The following PABPC1 variants were observed in gnomAD, a reference collection of about 807,000 sequenced individuals.
PABPC1 encodes polyadenylate-binding protein 1.
A neutral mutation model predicts 74.0 loss-of-function variants in PABPC1; 4 were observed. That is an observed-to-expected ratio of 0.05 (90% CI 0.03 to 0.12). PABPC1 has a LOEUF of 0.12. Ranked by LOEUF, PABPC1 falls within the 10% of genes least tolerant of loss-of-function variation. PABPC1 has a pLI of 1.00. For synonymous variants in PABPC1, 227 were observed against 264.1 expected (o/e 0.86, Z 1.36); for missense variants, 271 against 821.1 (o/e 0.33, Z 8.19).
intron 4 of PABPC1, among the ~76,000 whole-genome samples, chr8:100,715,158 C>CACACACAT (rs1234644734): frequency 1.9e-3 from 142 of 76,212 alleles, no homozygotes; most frequent in African/African-American, 5.8e-3. Flanking sequence ...CACACACACA[C>CACACACAT]ATATATATCT....
intron 3 of PABPC1, among the ~76,000 whole-genome samples, chr8:100,717,352 A>G (rs527277168): frequency 6.6e-6 from 1 of 152,318 alleles, no homozygotes; most frequent in South Asian, 2.1e-4. Context: ...CATAAAAGCA[A>G]ATTACTTTGA....
At chr8:100,714,302 C>A (rs1043496519) in intron 4 of PABPC1, among the ~76,000 whole-genome samples, 5 of 152,128 alleles carry the variant, frequency 3.3e-5, no homozygotes, top group Non-Finnish European at 2.9e-5. Context: ...ATATAAAAGG[C>A]AGTAGCTAAA....
Position 100,712,505 on chromosome 8 carries a change from C to CCTAA in PABPC1, c.877-52_877-49dup, listed in dbSNP as rs776475207. On this transcript the variant is annotated intron_variant, in intron 6 of 14. Transcript: ENST00000318607. Reference sequence around the variant, plus strand: ...ATAGAAAAAGAAAACCATGGTGGTACCTAAGTACATCGGGTCTATTATTTT... The same window carrying CCTAA: ...ATAGAAAAAGAAAACCATGGTGGTACCTAACTAAGTACATCGGGTCTATTATTTT... The CCTAA allele has an allele frequency of 6.8e-6, 10 of 1,472,576 alleles. No homozygotes were observed. The African/African-American group carries it at 1.4e-4, about 21-fold the overall frequency. The allele number at this position is 1,472,576 out of a possible 1,614,324, so 91.2% of individuals were successfully genotyped here.
At chr8:100,716,898 AAG>A (rs1810685201) in intron 3 of PABPC1, among the ~76,000 whole-genome samples, 1 of 152,230 alleles carries the variant, frequency 6.6e-6, no homozygotes, top group African/African-American at 2.4e-5. Context: ...AAATTTCCAA[AAG>A]AGTTATATCA....
intron 12 of PABPC1, 76 bp from the exon 13 acceptor site, chr8:100,705,132 G>T: frequency 1.6e-6 from 2 of 1,222,494 alleles, no homozygotes; most frequent in Non-Finnish European, 2.3e-6. Flanking sequence ...ACATTAAACT[G>T]GGGTTTAAGA....
chr8:100,717,520 AATTAT>A (rs1337700416), intron 3 of PABPC1, among the ~76,000 whole-genome samples: 3 of 152,186 alleles, frequency 2.0e-5, no homozygotes, highest in African/African-American at 7.2e-5. Flanking sequence ...CATGAATGTT[AATTAT>A]ATTAAACCTG....
chr8:100,719,746 T>C (rs1388216309), intron 1 of PABPC1, among the ~76,000 whole-genome samples: 1 of 152,074 alleles, frequency 6.6e-6, no homozygotes, highest in Non-Finnish European at 1.5e-5. Context: ...TGAGAAAGAG[T>C]AACACTTTCA....
intron 1 of PABPC1, among the ~76,000 whole-genome samples, chr8:100,719,079 T>C (rs1352867724): frequency 6.6e-6 from 1 of 152,160 alleles, no homozygotes; most frequent in Non-Finnish European, 1.5e-5. Context: ...TGCTAGAAAA[T>C]TTCAAAATCT....
chr8:100,718,279 C>A lies in PABPC1; in HGVS notation c.195G>T (p.Ala65=). The A allele has an allele frequency of 6.2e-7, 1 of 1,607,838 alleles. No homozygotes were observed. Residue 65 remains alanine (A), a splice_region_variant and synonymous_variant, in exon 2 of 15, where the codon GCG becomes GCT. Coordinates refer to ENST00000318607, the MANE Select transcript of PABPC1 (RefSeq NM_002568.4). The part of the protein sequence containing the change: ...AYVNFQQPAD[A]ERALDTMNFD... ...AATTCATGGTGTCCAAAGCACGCTC[C>A]GCTGCAGGAAGGACATTTTCAGAGT...
At chr8:100,714,138 T>A (rs1357664844) in intron 4 of PABPC1, among the ~76,000 whole-genome samples, 1 of 152,238 alleles carries the variant, frequency 6.6e-6, no homozygotes, top group African/African-American at 2.4e-5. Flanking sequence ...TTCTTCTGAA[T>A]GTGCCTCTCT....
At chr8:100,717,947 T>C in intron 2 of PABPC1, 59 bp from the exon 3 acceptor site, 1 of 1,396,558 alleles carries the variant, frequency 7.2e-7, no homozygotes, top group Non-Finnish European at 1.0e-6. Flanking sequence ...ATTTGTTCAG[T>C]GTTGAGAGAC....
rs1021615988 is a variant in PABPC1, at chr8:100,712,243, T to A, written c.972+119A>T. ...ACCAGTTCAAATGTGAATTTAAGTT[T>A]TAGAAGTAACGAAGCAAACACCTCT... On this transcript the variant is annotated intron_variant, in intron 7 of 14. Coordinates refer to ENST00000318607, the MANE Select transcript of PABPC1 (RefSeq NM_002568.4). The A allele has an allele frequency of 1.5e-5, 9 of 609,356 alleles. No homozygotes were observed. In the African/African-American group the frequency reaches 1.7e-4, roughly 11 times the overall value. 37.7% of individuals were successfully genotyped at this position (609,356 alleles called of 1,614,324 possible).
At chr8:100,712,958 T>A in intron 5 of PABPC1, 129 bp downstream of exon 5, 5 of 1,029,764 alleles carry the variant, frequency 4.9e-6, no homozygotes, top group Non-Finnish European at 7.0e-6. Flanking sequence ...CTCTCAAACC[T>A]AATGCATAAA....
At position 100,721,311 on chromosome 8, in the gene PABPC1, C is replaced by A. The variant is rs966657413; in HGVS notation, c.193+80G>T. On this transcript the variant is annotated intron_variant, in intron 1 of 14. Coordinates refer to ENST00000318607, the MANE Select transcript of PABPC1 (RefSeq NM_002568.4). This position sits in a 1 kb window ranked among gnomAD's most constrained non-coding sequence, Gnocchi z 7.4. ...CCTCCCGCCCCCCTCCCCGGGCCCG[C>A]CGGCCTACCCCGCCCGCCGCCGCCG... 2.8e-6 allele frequency: 2 copies of A among 720,332 alleles called. No individual in the cohort carries two copies. Among genetic ancestry groups the A allele is most frequent in the Admixed American group, 1.1e-4 (2 of 17,864 alleles). The allele number at this position is 720,332 out of a possible 1,614,324, so 44.6% of individuals were successfully genotyped here. A position where few individuals can be genotyped will look rare whatever the true frequency, so the allele number is the denominator to read the frequency against.
At chr8:100,719,780 A>C (rs939115657) in intron 1 of PABPC1, among the ~76,000 whole-genome samples, 1 of 152,200 alleles carries the variant, frequency 6.6e-6, no homozygotes, top group South Asian at 2.1e-4. Flanking sequence ...TGGTCTCTAG[A>C]ATTCATTCCC....
chr8:100,712,604 AG>A, intron 6 of PABPC1, 47 bp downstream of exon 6: 1 of 1,575,964 alleles, frequency 6.3e-7, no homozygotes, highest in Non-Finnish European at 8.6e-7. Context: ...AACGTAAAAT[AG>A]GTTTCCTCAT....
At chr8:100,712,870 T>C (rs1810566816) in intron 5 of PABPC1, 81 bp from the exon 6 acceptor site, 4 of 1,442,422 alleles carry the variant, frequency 2.8e-6, no homozygotes, top group Admixed American at 2.8e-5. Context: ...TAAGACAAAT[T>C]TGTTAAGTCA....
At chr8:100,712,988 TAAG>T in intron 5 of PABPC1, 96 bp downstream of exon 5, 1 of 1,048,476 alleles carries the variant, frequency 9.5e-7, no homozygotes, top group Non-Finnish European at 1.4e-6. Flanking sequence ...ACTGAAAATA[TAAG>T]AACATGTCAA....
At position 100,712,857 on chromosome 8, in the gene PABPC1, A is replaced by G; in HGVS notation, c.739-68T>C. On this transcript the variant is annotated intron_variant, in intron 5 of 14. Transcript: ENST00000318607. Reference sequence around the variant, plus strand: ...TCAACTTACAGTTCATTTCCTTAACAGTTAAGACAAATTTGTTAAGTCACA... The same window carrying G: ...TCAACTTACAGTTCATTTCCTTAACGGTTAAGACAAATTTGTTAAGTCACA... 2.7e-6 allele frequency: 4 copies of G among 1,475,984 alleles called. No individual in the cohort carries two copies. In the South Asian group the frequency reaches 4.2e-5, roughly 16 times the overall value. The allele number at this position is 1,475,984 out of a possible 1,614,324, so 91.4% of individuals were successfully genotyped here. A position where few individuals can be genotyped will look rare whatever the true frequency, so the allele number is the denominator to read the frequency against.
Sources: allele counts gnomAD v4.1 joint callset (sites outside exome capture counted in the v4.1 genomes callset), GRCh38; gene constraint gnomAD v4.1.1; non-coding constraint Gnocchi (gnomAD v3.1); transcripts MANE v1.5; gene names NCBI Gene and HGNC (gene_info 2026-07-23, HGNC 2026-07-21).